DYTN: variants seen among roughly 807,000 people sequenced by gnomAD.
DYTN encodes dystrotelin.
DYTN carries 75 observed loss-of-function variants against 69.6 expected under a neutral mutation model. That is an observed-to-expected ratio of 1.08 (90% confidence interval 0.89 to 1.31). The LOEUF is 1.31. Ranked by LOEUF, DYTN falls within the 50% of genes most tolerant of loss-of-function variation. The pLI is 0.00. For missense variants in DYTN, 726 were observed against 688.4 expected, an observed-to-expected ratio of 1.05 and a Z score of -0.61; for synonymous variants, 252 against 249.1, an observed-to-expected ratio of 1.01 and a Z score of -0.11.
intron 10 of DYTN, among the ~76,000 whole-genome samples, 152 bp downstream of exon 10, chr2:206,665,718 G>T (rs1699562923): frequency 1.3e-5 from 2 of 152,176 alleles, no homozygotes; most frequent in Non-Finnish European, 2.9e-5. Context: ...ATAGGATATA[G>T]CCTGGATGAG....
chr2:206,686,200 G>A (rs760758092), intron 9 of DYTN, among the ~76,000 whole-genome samples: 16 of 152,078 alleles, frequency 1.1e-4, no homozygotes, highest in Non-Finnish European at 1.9e-4. Flanking sequence ...GTCACAACAG[G>A]TTTTCTGTGC....
intron 9 of DYTN, among the ~76,000 whole-genome samples, chr2:206,681,501 T>C (rs940721326): frequency 1.3e-5 from 2 of 152,116 alleles, no homozygotes; most frequent in African/African-American, 4.8e-5. Context: ...TATGATATTG[T>C]CTGTGGGTTT....
chr2:206,661,807 T>C (rs955809059), intron 11 of DYTN, among the ~76,000 whole-genome samples: 1 of 152,220 alleles, frequency 6.6e-6, no homozygotes, highest in Admixed American at 6.5e-5. Flanking sequence ...AATTTTCAAC[T>C]GTGCAGGGGG....
chr2:206,674,524 T>C (rs1180505692), intron 9 of DYTN, among the ~76,000 whole-genome samples: 2 of 152,102 alleles, frequency 1.3e-5, no homozygotes, highest in Non-Finnish European at 2.9e-5. Flanking sequence ...ATAATTTCTA[T>C]GTTAGATAAA....
At chr2:206,665,588 G>C (rs1382374347) in intron 10 of DYTN, among the ~76,000 whole-genome samples, 1 of 151,968 alleles carries the variant, frequency 6.6e-6, no homozygotes. Context: ...GAATGTACAG[G>C]GATCCTGAGA....
At chr2:206,663,475 A>G in intron 10 of DYTN, 80 bp from the exon 11 acceptor site, 2 of 1,416,384 alleles carry the variant, frequency 1.4e-6, no homozygotes, top group Non-Finnish European at 1.9e-6. Context: ...TCAACATTCC[A>G]ACAGAACATT....
chr2:206,659,781 A>G (rs1303834107), intron 11 of DYTN, among the ~76,000 whole-genome samples: 1 of 152,210 alleles, frequency 6.6e-6, no homozygotes, highest in Non-Finnish European at 1.5e-5. Flanking sequence ...ATCAAATTGA[A>G]TAACGATATA....
chr2:206,701,562 C>T (rs1013127095), intron 5 of DYTN, among the ~76,000 whole-genome samples: 1 of 152,116 alleles, frequency 6.6e-6, no homozygotes, highest in African/African-American at 2.4e-5. Flanking sequence ...CACATAATCG[C>T]ACTTACATGT....
At chr2:206,652,922 A>G (rs1470293132) in intron 11 of DYTN, among the ~76,000 whole-genome samples, 1 of 152,224 alleles carries the variant, frequency 6.6e-6, no homozygotes, top group Admixed American at 6.5e-5. Flanking sequence ...AACATACAGT[A>G]TTACATTATT....
chr2:206,675,084 A>G, intron 9 of DYTN, among the ~76,000 whole-genome samples: 1 of 149,748 alleles, frequency 6.7e-6, no homozygotes, highest in Non-Finnish European at 1.5e-5. Context: ...CAAGAGGTTT[A>G]AATATTGGAG....
chr2:206,661,819 C>T (rs1699515713), intron 11 of DYTN, among the ~76,000 whole-genome samples: 1 of 152,134 alleles, frequency 6.6e-6, no homozygotes. Context: ...TGCAGGGGGC[C>T]AGCACCCCTA....
At chr2:206,679,423 A>G (rs1013239593) in intron 9 of DYTN, among the ~76,000 whole-genome samples, 2 of 152,182 alleles carry the variant, frequency 1.3e-5, no homozygotes, top group Non-Finnish European at 2.9e-5. Context: ...GAGAATGCAA[A>G]GAATTCAGGG....
At chr2:206,713,528 G>A (rs948808861) in intron 1 of DYTN, among the ~76,000 whole-genome samples, 2 of 152,172 alleles carry the variant, frequency 1.3e-5, no homozygotes, top group African/African-American at 4.8e-5. Context: ...ATGATGCGCT[G>A]GGGGGATGGC....
intron 9 of DYTN, among the ~76,000 whole-genome samples, chr2:206,669,178 A>G (rs1033359338): frequency 2.0e-5 from 3 of 152,224 alleles, no homozygotes; most frequent in Admixed American, 2.0e-4. Flanking sequence ...ATAATCAGTG[A>G]CATAATTGAC....
At chr2:206,654,578 G>A (rs1415185169) in intron 11 of DYTN, among the ~76,000 whole-genome samples, 1 of 152,124 alleles carries the variant, frequency 6.6e-6, no homozygotes, top group Non-Finnish European at 1.5e-5. Flanking sequence ...AAGTTTTAGA[G>A]GAGTCAAAAG....
At chr2:206,654,277 T>C (rs1699422089) in intron 11 of DYTN, among the ~76,000 whole-genome samples, 2 of 152,208 alleles carry the variant, frequency 1.3e-5, no homozygotes, top group Admixed American at 1.3e-4. Flanking sequence ...GATTTTCTTC[T>C]ACCTCTGCCA....
intron 7 of DYTN, among the ~76,000 whole-genome samples, chr2:206,696,279 G>T (rs1699918853): frequency 6.6e-6 from 1 of 152,200 alleles, no homozygotes; most frequent in East Asian, 1.9e-4. Flanking sequence ...TATCAGACCT[G>T]CTAACTGCCC....
chr2:206,696,983 C>T (rs561310523), intron 7 of DYTN, among the ~76,000 whole-genome samples: 2 of 152,052 alleles, frequency 1.3e-5, no homozygotes, highest in Non-Finnish European at 2.9e-5. Flanking sequence ...CCTGGCCTTG[C>T]AAAATTTTTA....
In DYTN at chr2:206,711,567, GT is replaced by G. The variant is rs1431430930; in HGVS notation, c.20-970del. Among the ~76,000 whole-genome samples the G allele has an allele frequency of 2.0e-5, 3 of 151,350 alleles. No homozygotes were observed. In the East Asian group the frequency reaches 5.8e-4, roughly 29 times the overall value. On this transcript the variant is annotated intron_variant, in intron 1 of 11. Coordinates refer to ENST00000452335, the MANE Select transcript of DYTN (RefSeq NM_001093730.1). ...TCTTACCTTTCTTTTTTTTGTTGTTGTTTTTTGTTTTTTTTACTTTTCTTTT... is the reference window on the plus strand; with the variant it reads ...TCTTACCTTTCTTTTTTTTGTTGTTGTTTTTGTTTTTTTTACTTTTCTTTT...
Sources: allele counts gnomAD v4.1 joint callset (sites outside exome capture counted in the v4.1 genomes callset), GRCh38; gene constraint gnomAD v4.1.1; transcripts MANE v1.5; gene names NCBI Gene and HGNC (gene_info 2026-07-23, HGNC 2026-07-21).